Variants in MTSS2 observed in about 807,000 individuals in gnomAD.
MTSS2 encodes the protein MTSS I-BAR domain containing 2.
Under a neutral mutation model 67.1 loss-of-function variants are expected in MTSS2, and 27 were observed. The observed-to-expected ratio is 0.40, with a 90% CI of 0.30 to 0.55. MTSS2 has a LOEUF of 0.55. MTSS2 is among the 20% of genes least tolerant of loss of function. The pLI is 0.43. For synonymous variants in MTSS2, 624 were observed against 468.6 expected (o/e 1.33, Z -4.28); for missense variants, 1,171 against 1,067.8 (o/e 1.10, Z -1.35).
rs542010144 is a variant in MTSS2 at position 70,666,262 on chromosome 16, C to A, written c.1054-722G>T. 4.9e-4 allele frequency among the ~76,000 whole-genome samples: 75 copies of A among 152,140 alleles called. No homozygotes were observed. In the South Asian group the frequency reaches 0.015, roughly 30 times the overall value. ...TTGGGGCACAGGGTGTCCATGGAGACCCCGAGGAGAACTGCTACCATAGAA... is the reference window on the plus strand; with the variant it reads ...TTGGGGCACAGGGTGTCCATGGAGAACCCGAGGAGAACTGCTACCATAGAA... On this transcript the variant is annotated intron_variant, in intron 11 of 14. Coordinates refer to ENST00000338779, the MANE Select transcript of MTSS2 (RefSeq NM_138383.3).
chr16:70,671,356 C>T (rs577345504), intron 11 of MTSS2, among the ~76,000 whole-genome samples: 6 of 148,518 alleles, frequency 4.0e-5, no homozygotes, highest in East Asian at 2.0e-4. Context: ...TAGCCAAGAT[C>T]GCACCATTGC....
intron 11 of MTSS2, among the ~76,000 whole-genome samples, chr16:70,672,295 C>T (rs991741795): frequency 5.5e-5 from 8 of 145,442 alleles, no homozygotes; most frequent in African/African-American, 1.0e-4. Context: ...TGCAGTGAGC[C>T]GAGATTGCCC....
In MTSS2 at chr16:70,665,114, C is replaced by A; in HGVS notation, c.1129-18G>T. Reference sequence around the variant, plus strand: ...GACCAGTCCTGCAGGGAGGGTGTGGCAGGTCAGGGGGACCACTGGCCCTAC... The same window carrying A: ...GACCAGTCCTGCAGGGAGGGTGTGGAAGGTCAGGGGGACCACTGGCCCTAC... On this transcript the variant is annotated intron_variant, in intron 12 of 14. Coordinates refer to ENST00000338779, the MANE Select transcript of MTSS2 (RefSeq NM_138383.3). 1 of 1,582,300 alleles carries A rather than the reference C, an allele frequency of 6.3e-7. No homozygotes were observed. The highest frequency in any genetic ancestry group is 1.1e-5 in the South Asian group (1 of 88,430).
At chr16:70,675,539 C>G (rs191266155) in intron 10 of MTSS2, among the ~76,000 whole-genome samples, 1 of 152,148 alleles carries the variant, frequency 6.6e-6, no homozygotes, top group Non-Finnish European at 1.5e-5. Flanking sequence ...CTCAGCCTCC[C>G]GAGTAGCTGG....
intron 11 of MTSS2, among the ~76,000 whole-genome samples, chr16:70,673,552 G>T (rs2053011582): frequency 6.6e-6 from 1 of 152,088 alleles, no homozygotes. Flanking sequence ...TATTCTAAAA[G>T]AACTTCTAAA....
chr16:70,661,456 T>TAACA lies in MTSS2; in HGVS notation c.*2217_*2220dup, dbSNP rs1312054317. ...GAATAAATTAAAAAAAGGAACGAGT[T>TAACA]AACAACAGCACCAGGAAAGTTACTT... is the stretch of plus-strand genomic sequence containing the variant. On this transcript the variant is annotated 3_prime_UTR_variant, in exon 15 of 15. Transcript: ENST00000338779. 8.1e-6 allele frequency: 3 copies of TAACA among 368,376 alleles called. No homozygotes were observed. Among genetic ancestry groups the TAACA allele is most frequent in the Non-Finnish European group, 1.6e-5 (3 of 186,406 alleles). The allele number at this position is 368,376 out of a possible 1,614,324, so 22.8% of individuals were successfully genotyped here.
intron 11 of MTSS2, among the ~76,000 whole-genome samples, chr16:70,667,646 G>C (rs1221907647): frequency 6.6e-6 from 1 of 152,192 alleles, no homozygotes; most frequent in Non-Finnish European, 1.5e-5. Flanking sequence ...GCCAAGACGG[G>C]AGGATCACAT....
chr16:70,679,583 G>A, intron 6 of MTSS2, 47 bp downstream of exon 6: 3 of 1,541,150 alleles, frequency 1.9e-6, no homozygotes, highest in South Asian at 2.4e-5. Flanking sequence ...GTGGGGCTGT[G>A]GAGCGGGGCC....
chr16:70,685,711 CG>C lies in MTSS2; in HGVS notation c.69+11del. 7.6e-7 allele frequency: 1 copy of C among 1,324,150 alleles called. No individual in the cohort carries two copies. The highest frequency in any genetic ancestry group is 4.1e-5 in the East Asian group (1 of 24,246). The allele number at this position is 1,324,150 out of a possible 1,614,324, so 82.0% of individuals were successfully genotyped here. A position where few individuals can be genotyped will look rare whatever the true frequency, so the allele number is the denominator to read the frequency against. ...CGTCGCCGCGCGCCCGGCCCCGCCG[CG>C]CCCCGGTTACCTTCATGTCGTTGAC... On this transcript the variant is annotated intron_variant, in intron 1 of 14. Transcript: ENST00000338779.
chr16:70,670,744 G>C (rs1305924198), intron 11 of MTSS2, among the ~76,000 whole-genome samples: 1 of 152,056 alleles, frequency 6.6e-6, no homozygotes, highest in Non-Finnish European at 1.5e-5. Context: ...AGGAAGGATT[G>C]CTTGAAGGTA....
chr16:70,661,672 G>GGAGTA lies in MTSS2; in HGVS notation c.*2000_*2004dup, dbSNP rs541555211. 60 of 328,194 alleles carry GGAGTA rather than the reference G, an allele frequency of 1.8e-4. No individual in the cohort carries two copies. The highest frequency in any genetic ancestry group is 1.1e-3 in the African/African-American group (51 of 45,620). 20.3% of individuals were successfully genotyped at this position (328,194 alleles called of 1,614,324 possible). ...TGGTCTCAGGGATGGACAAGGGGAT[G>GGAGTA]GAGTAGAGTATGTACAGCCCCCGGG... is the stretch of plus-strand genomic sequence containing the variant. On this transcript the variant is annotated 3_prime_UTR_variant, in exon 15 of 15. Transcript: ENST00000338779.
rs557304618 is a variant in MTSS2 at position 70,678,944 on chromosome 16, A to C, written c.466+371T>G. Among the ~76,000 whole-genome samples the C allele has an allele frequency of 2.4e-4, 36 of 152,288 alleles. No individual in the cohort carries two copies. In the South Asian group the frequency reaches 3.7e-3, roughly 16 times the overall value. ...GAGCACACAGCAACAGCGACACAAG[A>C]AGCAGCAAGAAAGAGAGAGGCGAGA... On this transcript the variant is annotated intron_variant, in intron 7 of 14. Coordinates refer to ENST00000338779, the MANE Select transcript of MTSS2 (RefSeq NM_138383.3).
intron 1 of MTSS2, among the ~76,000 whole-genome samples, chr16:70,685,478 C>A (rs76697004): frequency 0.055 from 8,342 of 152,148 alleles, 271 homozygotes; most frequent in East Asian, 0.096. Flanking sequence ...TGTGCACAGG[C>A]TCGGGTCAGG....
Position 70,685,822 on chromosome 16 carries a change from T to A in MTSS2, c.-31A>T, listed in dbSNP as rs776012375. ...GGCTGGGCCGGGCCGCGGCGGCGGC[T>A]AGGCGCACGGAGCGCGGGGAGCAGC... is the stretch of plus-strand genomic sequence containing the variant. On this transcript the variant is annotated 5_prime_UTR_variant, in exon 1 of 15. Transcript: ENST00000338779. The A allele has an allele frequency of 1.2e-5, 15 of 1,247,230 alleles. No homozygotes were observed. In the South Asian group the frequency reaches 2.6e-4, roughly 22 times the overall value. The allele number at this position is 1,247,230 out of a possible 1,614,324, so 77.3% of individuals were successfully genotyped here.
At chr16:70,679,048 G>C (rs1048213006) in intron 7 of MTSS2, among the ~76,000 whole-genome samples, 4 of 152,182 alleles carry the variant, frequency 2.6e-5, no homozygotes, top group African/African-American at 9.6e-5. Context: ...TGGGGGCGGG[G>C]CAGCCAGGGC....
intron 1 of MTSS2, among the ~76,000 whole-genome samples, chr16:70,685,351 T>G (rs943941675): frequency 6.1e-4 from 92 of 152,016 alleles, no homozygotes; most frequent in African/African-American, 2.1e-3. Flanking sequence ...TGGGGGAACA[T>G]GGTGGTGGAA....
In MTSS2 at chr16:70,680,821, C is replaced by G. The variant is rs1348274567; in HGVS notation, c.178G>C (p.Val60Leu). The G allele has an allele frequency of 6.5e-7, 1 of 1,549,546 alleles. No homozygotes were observed. ...AVAFLDAFQKVADMATNTRGA... is the reference protein window; with the variant it reads ...AVAFLDAFQKLADMATNTRGA... ...CGGGTGTTGGTAGCCATGTCAGCCA[C>G]TTTCTGGAAGGCATCCAGGAAGGCC... Residue 60 changes from valine (V) to leucine (L), a missense_variant, in exon 3 of 15, where the codon GTG becomes CTG. Physicochemically the swap from Val to Leu is conservative, Grantham distance 32 (BLOSUM62 1). Around this residue, in one of 2 missense-constraint regions of MTSS2, gnomAD observed 247 missense variants for 311.8 expected, o/e 0.79. Coordinates refer to ENST00000338779, the MANE Select transcript of MTSS2 (RefSeq NM_138383.3).
In MTSS2 at chr16:70,679,871, C is replaced by A. The variant is rs139962217; in HGVS notation, c.297G>T (p.Leu99=). Residue 99 remains leucine (L), a synonymous_variant, in exon 5 of 15, where the codon CTG becomes CTT. Transcript: ENST00000338779. ...GCAGCGGGTTGATGAGGCTCTCCAG[C>A]AGTGCGCTGCGGAGGGCGGGCGGGA... ...ETKLRQFTNA[L]LESLINPLQE... is the part of the protein sequence containing the mutation. 288 of 1,600,216 alleles carry A rather than the reference C, an allele frequency of 1.8e-4. No homozygotes were observed. The highest frequency in any genetic ancestry group is 1.6e-3 in the African/African-American group (120 of 74,980).
At chr16:70,685,697 GCC>G in intron 1 of MTSS2, 24 bp downstream of exon 1, 1 of 1,277,652 alleles carries the variant, frequency 7.8e-7, no homozygotes, top group South Asian at 1.8e-5. Flanking sequence ...GTCGCCGCGC[GCC>G]CGGCCCCGCC....
Sources: allele counts gnomAD v4.1 joint callset (sites outside exome capture counted in the v4.1 genomes callset), GRCh38; gene constraint gnomAD v4.1.1; regional missense constraint gnomAD v4.1.1; transcripts MANE v1.5; gene names NCBI Gene and HGNC (gene_info 2026-07-23, HGNC 2026-07-21).